Variants in SPON1 observed in about 807,000 individuals in gnomAD.
The protein encoded by SPON1 is spondin-1.
SPON1 carries 52 observed loss-of-function variants against 111.7 expected under a neutral mutation model. The observed-to-expected ratio is 0.47, with a 90% CI of 0.37 to 0.59. The LOEUF is 0.59. Among genes scored for constraint, SPON1 ranks in the 20% least tolerant of loss-of-function variants. The pLI, the probability that SPON1 is intolerant of heterozygous loss-of-function variation, is 0.00. For missense variants in SPON1, 957 were observed against 1,068.5 expected, an observed-to-expected ratio of 0.90 and a Z score of 1.46; for synonymous variants, 410 against 395.8, an observed-to-expected ratio of 1.04 and a Z score of -0.43.
intron 10 of SPON1, 71 bp from the exon 11 acceptor site, chr11:14,257,645 C>A: frequency 7.2e-7 from 1 of 1,393,044 alleles, no homozygotes; most frequent in South Asian, 1.6e-5. Flanking sequence ...CCCAGATAAG[C>A]TGGTATGGGG....
intron 3 of SPON1, among the ~76,000 whole-genome samples, chr11:14,070,950 G>C (rs1848871011): frequency 6.6e-6 from 1 of 152,144 alleles, no homozygotes; most frequent in Non-Finnish European, 1.5e-5. Flanking sequence ...TCTAAAGTTT[G>C]AGAAGATAAC....
At chr11:14,193,348 C>A (rs1189351778) in intron 6 of SPON1, among the ~76,000 whole-genome samples, 1 of 152,134 alleles carries the variant, frequency 6.6e-6, no homozygotes, top group African/African-American at 2.4e-5. Context: ...CGCACTGCCA[C>A]GCCACCCCAA....
intron 6 of SPON1, among the ~76,000 whole-genome samples, chr11:14,160,483 A>ATATATATATTATATATATATATT (rs1554930869): frequency 1.5e-4 from 1 of 6,668 alleles, no homozygotes; most frequent in African/African-American, 5.5e-4. Context: ...ATATATATTT[A>ATATATATATTATATATATATATT]TATATATATA....
intron 6 of SPON1, among the ~76,000 whole-genome samples, chr11:14,140,407 T>C (rs1847639944): frequency 6.6e-6 from 1 of 152,238 alleles, no homozygotes; most frequent in Non-Finnish European, 1.5e-5. Flanking sequence ...TTGTTTTGTT[T>C]TTTTGAGATG....
chr11:14,096,186 A>C (rs557523958), intron 5 of SPON1, among the ~76,000 whole-genome samples: 4 of 152,196 alleles, frequency 2.6e-5, no homozygotes, highest in Admixed American at 6.5e-5. Flanking sequence ...TATGACAACC[A>C]GTCACTCATG....
chr11:14,247,830 G>C (rs1564940602), intron 7 of SPON1, among the ~76,000 whole-genome samples: 1 of 152,222 alleles, frequency 6.6e-6, no homozygotes, highest in Non-Finnish European at 1.5e-5. Flanking sequence ...AAGATTTCCA[G>C]TTAGAGGTGT....
chr11:14,160,760 ATTTATATATTTATATATATT>A (rs1847923779), intron 6 of SPON1, among the ~76,000 whole-genome samples: 2 of 38,832 alleles, frequency 5.2e-5, no homozygotes, highest in African/African-American at 1.0e-4. Context: ...ATTTATATAT[ATTTATATATTTATATATATT>A]TTTATATATA....
chr11:14,190,232 C>T (rs1460335326), intron 6 of SPON1, among the ~76,000 whole-genome samples: 5 of 124,860 alleles, frequency 4.0e-5, no homozygotes, highest in Non-Finnish European at 9.1e-5. Flanking sequence ...GTCCTTCCCT[C>T]ACTCCAGGAG....
Position 14,115,139 on chromosome 11 carries a change from T to C in SPON1, c.677-20281T>C, listed in dbSNP as rs563480371. Among the ~76,000 whole-genome samples, 3 of 152,298 alleles carry C rather than the reference T, an allele frequency of 2.0e-5. No homozygotes were observed. The South Asian group carries it at 6.2e-4, about 32-fold the overall frequency. On this transcript the variant is annotated intron_variant, in intron 5 of 15. Transcript: ENST00000576479. ...CATTTCCCTGATACCACCCCCATTA[T>C]GGGAGAAGGAAACTTTCAGTTTTCA... is the stretch of plus-strand genomic sequence containing the variant.
chr11:14,174,601 C>T (rs7941010), intron 6 of SPON1, among the ~76,000 whole-genome samples: 26,878 of 150,398 alleles, frequency 0.18, 2,493 homozygotes, highest in Admixed American at 0.24. Context: ...CCAATGAGTC[C>T]GAGGCTACCG....
In SPON1 at chr11:13,982,968, G is replaced by A. The variant is rs782196054; in HGVS notation, c.345+15G>A. The A allele has an allele frequency of 6.6e-7, 1 of 1,519,326 alleles. No individual in the cohort carries two copies. The highest frequency in any genetic ancestry group is 1.2e-5 in the South Asian group (1 of 83,262). 94.1% of individuals were successfully genotyped at this position (1,519,326 alleles called of 1,614,324 possible). ...GGACCTTCCAGGTAAGACCCTGCCT[G>A]GGCTTATTCAGTGGCCCTCCCTGCC... On this transcript the variant is annotated intron_variant, in intron 2 of 15. Transcript: ENST00000576479.
intron 6 of SPON1, among the ~76,000 whole-genome samples, chr11:14,203,742 T>C (rs1554935895): frequency 6.6e-6 from 1 of 152,196 alleles, no homozygotes; most frequent in Non-Finnish European, 1.5e-5. Context: ...AGGTTTCTTG[T>C]TGCCCAGAGT....
At chr11:14,190,004 C>T (rs909071627) in intron 6 of SPON1, among the ~76,000 whole-genome samples, 8 of 152,158 alleles carry the variant, frequency 5.3e-5, no homozygotes, top group Non-Finnish European at 1.2e-4. Context: ...CATTTGGTTT[C>T]TCTTGAGTTT....
chr11:14,257,209 T>C (rs1229757959), intron 10 of SPON1, among the ~76,000 whole-genome samples: 1 of 152,138 alleles, frequency 6.6e-6, no homozygotes, highest in Non-Finnish European at 1.5e-5. Context: ...CAAATGGGGA[T>C]AATAAAAGAA....
chr11:13,963,285 C>G, intron 1 of SPON1, 143 bp downstream of exon 1: 1 of 588,690 alleles, frequency 1.7e-6, no homozygotes, highest in East Asian at 3.4e-5. Context: ...TCCTGGCTGC[C>G]CTCGGCCCTT....
At chr11:14,015,330 G>A (rs1554914193) in intron 2 of SPON1, among the ~76,000 whole-genome samples, 1 of 152,146 alleles carries the variant, frequency 6.6e-6, no homozygotes, top group African/African-American at 2.4e-5. Context: ...TGCATGCTCT[G>A]GAGGGGACAA....
intron 5 of SPON1, among the ~76,000 whole-genome samples, chr11:14,130,141 AG>A (rs1847510986): frequency 6.6e-6 from 1 of 152,218 alleles, no homozygotes; most frequent in South Asian, 2.1e-4. Context: ...AGAGAGCTTA[AG>A]GAATCAGCCC....
Position 14,135,472 on chromosome 11 carries a change from T to G in SPON1, c.729T>G (p.Tyr243Ter), listed in dbSNP as rs543334345. 1 of 1,613,658 alleles carries G rather than the reference T, an allele frequency of 6.2e-7. No homozygotes were observed. The highest frequency in any genetic ancestry group is 1.3e-5 in the African/African-American group (1 of 74,898). The change falls in exon 6 of 16, where the codon TAT becomes TAG. Residue 243 changes from tyrosine (Y) to a stop codon, truncating the protein, a stop_gained. Coordinates refer to ENST00000576479, the MANE Select transcript of SPON1 (RefSeq NM_006108.4). LOFTEE classifies it high-confidence loss of function. This position sits in a 1 kb window ranked among gnomAD's most constrained non-coding sequence, Gnocchi z 4.4. ...TCGGAGGATCCCACTCCAAGAATTA[T>G]GTACTGTGGGAATATGGAGGATATG... Reference protein sequence around the residue: ...AIIGGSHSKNYVLWEYGGYAS... With the variant: ...AIIGGSHSKN
intron 2 of SPON1, among the ~76,000 whole-genome samples, chr11:14,009,939 A>G (rs1554913534): frequency 6.6e-6 from 1 of 152,202 alleles, no homozygotes; most frequent in Non-Finnish European, 1.5e-5. Context: ...TCAACATAAG[A>G]ACTTGATGGA....
Sources: gnomAD v4.1 joint callset for allele counts (sites outside exome capture counted in the v4.1 genomes callset) on GRCh38, gnomAD v4.1.1 for gene constraint, Gnocchi (gnomAD v3.1) non-coding constraint, MANE v1.5 for transcripts, NCBI Gene and HGNC (gene_info 2026-07-23, HGNC 2026-07-21) for gene names.